EFR3A: variants seen among roughly 807,000 people sequenced by gnomAD.
The protein encoded by EFR3A is protein EFR3 homolog A.
Under a neutral mutation model 104.4 loss-of-function variants are expected in EFR3A, and 76 were observed. The ratio of observed to expected loss-of-function variants is 0.73; its 90% CI spans 0.60 to 0.88. The LOEUF (loss-of-function observed/expected upper bound fraction) is 0.88, where lower values mean the gene tolerates loss of function less well. Ranked by LOEUF, EFR3A falls within the 40% of genes least tolerant of loss-of-function variation. The pLI is 0.00. For missense variants in EFR3A, 985 were observed against 1,012.5 expected, an observed-to-expected ratio of 0.97 and a Z score of 0.37; for synonymous variants, 330 against 330.0, an observed-to-expected ratio of 1.00 and a Z score of 0.00.
chr8:131,949,822 A>T, intron 4 of EFR3A, 147 bp from the exon 5 acceptor site: 1 of 743,484 alleles, frequency 1.3e-6, no homozygotes, highest in Non-Finnish European at 2.1e-6. Flanking sequence ...CAAGAAAGAA[A>T]GTTTCTTCTG....
intron 22 of EFR3A, among the ~76,000 whole-genome samples, chr8:132,005,934 C>CA (rs1210551929): frequency 1.3e-5 from 2 of 150,970 alleles, no homozygotes; most frequent in Non-Finnish European, 1.5e-5. Context: ...TCTCTTGCCA[C>CA]AAAAAAAAGT....
At chr8:131,987,961 T>C (rs940823202) in intron 18 of EFR3A, among the ~76,000 whole-genome samples, 1 of 152,136 alleles carries the variant, frequency 6.6e-6, no homozygotes, top group South Asian at 2.1e-4. Flanking sequence ...TACTTAATAT[T>C]TTATTTAATA....
intron 10 of EFR3A, among the ~76,000 whole-genome samples, chr8:131,971,237 G>T (rs1041322954): frequency 6.6e-6 from 1 of 152,074 alleles, no homozygotes; most frequent in African/African-American, 2.4e-5. Flanking sequence ...TTGAATCCAA[G>T]ATTCAGTCTA....
intron 1 of EFR3A, among the ~76,000 whole-genome samples, chr8:131,934,575 T>C (rs1020531198): frequency 1.3e-5 from 2 of 152,122 alleles, no homozygotes; most frequent in African/African-American, 4.8e-5. Context: ...TAGTTGTCAT[T>C]TGAAGCATAG....
rs1414159027 is a variant in EFR3A at position 132,013,167 on chromosome 8, T to A, written c.*2272T>A. On this transcript the variant is annotated 3_prime_UTR_variant, in exon 23 of 23. Transcript: ENST00000254624. ...GTATTGCTATATTTTTGTAGATAAA[T>A]AAAACTCAATAAATTGTTAATCATT... 1 of 152,250 alleles carries A rather than the reference T, an allele frequency of 6.6e-6. No individual in the cohort carries two copies. The highest frequency in any genetic ancestry group is 1.5e-5 in the Non-Finnish European group (1 of 68,024). 9.4% of individuals were successfully genotyped at this position (152,250 alleles called of 1,614,324 possible).
At chr8:132,000,851 C>T (rs1403546497) in intron 19 of EFR3A, 1 of 152,186 alleles carries the variant, frequency 6.6e-6, no homozygotes, top group East Asian at 1.9e-4. Flanking sequence ...GGGAGTGGAA[C>T]TCTTGCTGCT....
At chr8:131,994,052 C>G (rs1171182779) in intron 18 of EFR3A, among the ~76,000 whole-genome samples, 1 of 151,958 alleles carries the variant, frequency 6.6e-6, no homozygotes, top group African/African-American at 2.4e-5. Context: ...ATGTGTATAA[C>G]AAACCTGCGC....
At chr8:131,940,273 T>G (rs1818099683) in intron 1 of EFR3A, 1 of 507,616 alleles carries the variant, frequency 2.0e-6, no homozygotes, top group Non-Finnish European at 3.5e-6. Context: ...TGGCGGGATG[T>G]GTATGCATGT....
chr8:131,942,895 G>A (rs1563647961), intron 2 of EFR3A, among the ~76,000 whole-genome samples: 1 of 152,098 alleles, frequency 6.6e-6, no homozygotes, highest in Non-Finnish European at 1.5e-5. Flanking sequence ...TAAACTGTAT[G>A]ATTCTATTTA....
chr8:131,926,995 T>C (rs1160266682), intron 1 of EFR3A, among the ~76,000 whole-genome samples: 2 of 152,148 alleles, frequency 1.3e-5, no homozygotes, highest in Non-Finnish European at 2.9e-5. Context: ...ATTGTAGCTG[T>C]GGACTTTCTT....
chr8:132,001,416 A>G (rs1416418776), intron 19 of EFR3A, among the ~76,000 whole-genome samples: 1 of 152,202 alleles, frequency 6.6e-6, no homozygotes, highest in African/African-American at 2.4e-5. Context: ...TACTTACAAC[A>G]CAGTGTTCAG....
chr8:131,983,007 C>A (rs183799075), intron 14 of EFR3A, among the ~76,000 whole-genome samples: 1 of 152,256 alleles, frequency 6.6e-6, no homozygotes, highest in East Asian at 1.9e-4. Flanking sequence ...ATTGTCACAG[C>A]TGGAGAACTA....
chr8:131,950,687 C>T (rs1214059179), intron 5 of EFR3A, among the ~76,000 whole-genome samples: 6 of 152,014 alleles, frequency 3.9e-5, no homozygotes, highest in Non-Finnish European at 8.8e-5. Flanking sequence ...TGCAGTATCG[C>T]GAATACTTTG....
intron 2 of EFR3A, among the ~76,000 whole-genome samples, chr8:131,942,792 G>A (rs1818225539): frequency 1.3e-5 from 2 of 152,070 alleles, no homozygotes; most frequent in African/African-American, 2.4e-5. Context: ...AGACCTAAAG[G>A]ATGAGTAGGA....
intron 22 of EFR3A, among the ~76,000 whole-genome samples, chr8:132,007,825 A>G (rs890576028): frequency 2.0e-5 from 3 of 152,028 alleles, no homozygotes; most frequent in African/African-American, 7.2e-5. Context: ...TTTTTGATAA[A>G]GGAATCAAAA....
At chr8:131,916,690 C>T (rs148495469) in intron 1 of EFR3A, among the ~76,000 whole-genome samples, 1 of 152,112 alleles carries the variant, frequency 6.6e-6, no homozygotes, top group Non-Finnish European at 1.5e-5. Flanking sequence ...TAAACAAATA[C>T]CATTGCAACA....
rs142222301 is a variant in EFR3A at position 131,952,304 on chromosome 8, T to G, written c.489-1514T>G. 5.0e-3 allele frequency among the ~76,000 whole-genome samples: 763 copies of G among 152,298 alleles called. 1 individual carries two copies. The highest frequency in any genetic ancestry group is 9.1e-3 in the South Asian group (44 of 4,826). On this transcript the variant is annotated intron_variant, in intron 5 of 22. Coordinates refer to ENST00000254624, the MANE Select transcript of EFR3A (RefSeq NM_015137.6). Reference sequence around the variant, plus strand: ...ATTTCTATGCTGTAGATGTGACAGTTGTTCTATTTTACTGATGGGAAACTG... The same window carrying G: ...ATTTCTATGCTGTAGATGTGACAGTGGTTCTATTTTACTGATGGGAAACTG...
chr8:131,924,078 A>G (rs539721344), intron 1 of EFR3A: 2 of 431,934 alleles, frequency 4.6e-6, no homozygotes, highest in African/African-American at 2.1e-5. Flanking sequence ...TGCTGTTTAG[A>G]TATTTCTTAG....
chr8:131,936,296 A>G (rs1817876519), intron 1 of EFR3A, among the ~76,000 whole-genome samples: 1 of 152,152 alleles, frequency 6.6e-6, no homozygotes, highest in Non-Finnish European at 1.5e-5. Flanking sequence ...TGCTTCTTCT[A>G]CTATACTGTC....
Sources: allele counts gnomAD v4.1 joint callset (sites outside exome capture counted in the v4.1 genomes callset), GRCh38; gene constraint gnomAD v4.1.1; transcripts MANE v1.5; gene names NCBI Gene and HGNC (gene_info 2026-07-23, HGNC 2026-07-21).